ESRRG: variants seen among roughly 807,000 people sequenced by gnomAD.
ESRRG encodes the protein estrogen related receptor gamma, also known as estrogen-related receptor gamma.
In ESRRG, 13 loss-of-function variants were observed where a neutral mutation model predicts 44.0. That is an observed-to-expected ratio of 0.30 (90% CI 0.19 to 0.47). The LOEUF (loss-of-function observed/expected upper bound fraction) is 0.47, where lower values mean the gene tolerates loss of function less well. Ranked by LOEUF, ESRRG falls within the 20% of genes least tolerant of loss-of-function variation. The pLI is 1.00. For synonymous variants in ESRRG, 215 were observed against 214.6 expected (o/e 1.00, Z -0.02); for missense variants, 395 against 580.6 (o/e 0.68, Z 3.29).
rs573450002 is a variant in ESRRG at position 216,605,733 on chromosome 1, G to T, written c.590-37635C>A. On this transcript the variant is annotated intron_variant, in intron 3 of 6. Coordinates refer to ENST00000408911, the MANE Select transcript of ESRRG (RefSeq NM_001438.4). The stretch of plus-strand genomic sequence containing the variant: ...TAGTTCATTAGTGCCAAAATGATTT[G>T]CTTTCTGAGGATCAATCATTAGAGG... 4.6e-5 allele frequency among the ~76,000 whole-genome samples: 7 copies of T among 152,046 alleles called. No homozygotes were observed. The East Asian group carries it at 1.2e-3, about 25-fold the overall frequency.
At chr1:216,663,006 C>A (rs1333492457) in intron 2 of ESRRG, among the ~76,000 whole-genome samples, 4 of 152,192 alleles carry the variant, frequency 2.6e-5, no homozygotes, top group Non-Finnish European at 2.9e-5. Flanking sequence ...TATTTCCTTT[C>A]TTGCTCACGA....
intron 1 of ESRRG, among the ~76,000 whole-genome samples, chr1:217,112,228 G>T (rs2092669350): frequency 6.6e-6 from 1 of 152,158 alleles, no homozygotes; most frequent in Non-Finnish European, 1.5e-5. Context: ...ACAAAGTTTT[G>T]GGGTGAGTTT....
chr1:216,652,591 G>C (rs1559037561), intron 2 of ESRRG, among the ~76,000 whole-genome samples: 1 of 152,046 alleles, frequency 6.6e-6, no homozygotes, highest in African/African-American at 2.4e-5. Context: ...CTTTTTAACA[G>C]GAGGTTAAAT....
intron 2 of ESRRG, among the ~76,000 whole-genome samples, chr1:216,807,642 T>C (rs1387861654): frequency 6.6e-6 from 1 of 152,100 alleles, no homozygotes; most frequent in Non-Finnish European, 1.5e-5. Context: ...CTCAGCTGTG[T>C]TAGACGGGAG....
At chr1:217,050,198 G>C (rs1454316012) in intron 1 of ESRRG, among the ~76,000 whole-genome samples, 1 of 151,228 alleles carries the variant, frequency 6.6e-6, no homozygotes, top group African/African-American at 2.5e-5. Context: ...ATTTGAGCTG[G>C]GGGGGTGAAA....
chr1:216,915,407 C>T (rs577273366), intron 2 of ESRRG, among the ~76,000 whole-genome samples: 1 of 152,288 alleles, frequency 6.6e-6, no homozygotes, highest in Non-Finnish European at 1.5e-5. Flanking sequence ...AAAACCACCA[C>T]ACATTCCTCT....
intron 2 of ESRRG, among the ~76,000 whole-genome samples, chr1:216,898,421 C>G (rs2058673581): frequency 1.3e-5 from 2 of 152,070 alleles, no homozygotes; most frequent in South Asian, 2.1e-4. Flanking sequence ...AGCTCGAGAC[C>G]AGCCTGGCCA....
At chr1:216,642,841 G>A (rs2050526) in intron 3 of ESRRG, among the ~76,000 whole-genome samples, 124,281 of 152,094 alleles carry the variant, frequency 0.82, 50,987 homozygotes, top group African/African-American at 0.85. Context: ...GGTTTTTACA[G>A]AAGATATTTT....
At chr1:216,542,159 T>A (rs1260310953) in intron 5 of ESRRG, among the ~76,000 whole-genome samples, 1 of 151,874 alleles carries the variant, frequency 6.6e-6, no homozygotes, top group Non-Finnish European at 1.5e-5. Context: ...TCAGTTCCTA[T>A]CCTTTTCATC....
At chr1:216,550,190 G>A (rs2055853627) in intron 5 of ESRRG, among the ~76,000 whole-genome samples, 1 of 152,146 alleles carries the variant, frequency 6.6e-6, no homozygotes, top group Admixed American at 6.6e-5. Context: ...TGTTTGGTTT[G>A]TGTAATTACG....
chr1:216,911,324 C>T (rs1234218869), intron 2 of ESRRG, among the ~76,000 whole-genome samples: 2 of 152,020 alleles, frequency 1.3e-5, no homozygotes, highest in East Asian at 1.9e-4. Context: ...CATGAAAAGA[C>T]ATGGAGGAAC....
chr1:216,720,774 A>G (rs990905347), intron 1 of ESRRG, among the ~76,000 whole-genome samples: 1 of 152,182 alleles, frequency 6.6e-6, no homozygotes, highest in African/African-American at 2.4e-5. Flanking sequence ...TCCAAACACG[A>G]ATCTTAAAAC....
At chr1:216,902,764 T>G (rs1405848542) in intron 2 of ESRRG, among the ~76,000 whole-genome samples, 1 of 152,158 alleles carries the variant, frequency 6.6e-6, no homozygotes, top group Non-Finnish European at 1.5e-5. Context: ...GAAACGACAC[T>G]CAGTTCCTAG....
upstream of ESRRG, among the ~76,000 whole-genome samples, chr1:216,726,621 T>C (rs1231823924): frequency 6.6e-6 from 1 of 151,934 alleles, no homozygotes; most frequent in East Asian, 1.9e-4. Flanking sequence ...CCACAAGGAG[T>C]CTACCCAAAT....
At chr1:216,659,895 T>C (rs2071802910) in intron 2 of ESRRG, among the ~76,000 whole-genome samples, 1 of 152,160 alleles carries the variant, frequency 6.6e-6, no homozygotes, top group African/African-American at 2.4e-5. Flanking sequence ...ATCCCCTGTG[T>C]CCAAGAGAGT....
At chr1:216,813,922 T>C (rs2095052966) in intron 2 of ESRRG, among the ~76,000 whole-genome samples, 1 of 152,190 alleles carries the variant, frequency 6.6e-6, no homozygotes, top group African/African-American at 2.4e-5. Context: ...ATTAATGTAT[T>C]ATGAGCCTCT....
At chr1:216,711,403 T>C (rs946462) in intron 1 of ESRRG, among the ~76,000 whole-genome samples, 151,070 of 152,294 alleles carry the variant, frequency 0.99, 74,941 homozygotes, top group Middle Eastern at 1. Context: ...CTGGGGGAAA[T>C]ACAAAAAGCA....
intron 1 of ESRRG, among the ~76,000 whole-genome samples, chr1:216,698,783 C>T (rs549147318): frequency 1.3e-5 from 2 of 152,208 alleles, no homozygotes; most frequent in Non-Finnish European, 2.9e-5. Context: ...AAACCTCTAT[C>T]GAAGAGATGC....
intron 1 of ESRRG, among the ~76,000 whole-genome samples, chr1:217,106,392 GCACA>G (rs3075354): frequency 7.3e-5 from 6 of 82,362 alleles, no homozygotes; most frequent in African/African-American, 2.5e-4. Flanking sequence ...ACTCACATAT[GCACA>G]CACACACACA....
Sources: allele counts gnomAD v4.1 joint callset (sites outside exome capture counted in the v4.1 genomes callset), GRCh38; gene constraint gnomAD v4.1.1; transcripts MANE v1.5; gene names NCBI Gene and HGNC (gene_info 2026-07-23, HGNC 2026-07-21).